The following B4GALT6 variants were observed in gnomAD, a reference collection of about 807,000 sequenced individuals.
The protein encoded by B4GALT6 is beta-1,4-galactosyltransferase 6.
B4GALT6 carries 14 observed loss-of-function variants against 46.3 expected under a neutral mutation model. The ratio of observed to expected loss-of-function variants is 0.30; its 90% CI spans 0.20 to 0.47. B4GALT6 has a LOEUF of 0.47. B4GALT6 is among the 20% of genes least tolerant of loss of function. The probability of loss-of-function intolerance (pLI) is 0.99; values close to 1 mark genes in which losing one functional copy is unlikely to be tolerated. For missense variants in B4GALT6, 386 were observed against 480.1 expected (o/e 0.80, Z 1.83); for synonymous variants, 168 against 162.0 (o/e 1.04, Z -0.28).
At chr18:31,673,593 C>T (rs2074382157) in intron 1 of B4GALT6, among the ~76,000 whole-genome samples, 1 of 152,180 alleles carries the variant, frequency 6.6e-6, no homozygotes, top group South Asian at 2.1e-4. Context: ...TTCTGAAGAG[C>T]AGAAGATGAA....
the B4GALT6 span, among the ~76,000 whole-genome samples, chr18:31,720,488 TA>T: frequency 1.3e-5 from 2 of 152,206 alleles, no homozygotes; most frequent in Non-Finnish European, 2.9e-5. Context: ...AAGGTACAAC[TA>T]ATCAGTAGCG....
chr18:31,691,347 T>G, the B4GALT6 span, among the ~76,000 whole-genome samples: 1 of 93,330 alleles, frequency 1.1e-5, no homozygotes, highest in African/African-American at 3.9e-5. Flanking sequence ...ATATATATAT[T>G]GCTCTGGGTT....
the B4GALT6 span, among the ~76,000 whole-genome samples, chr18:31,698,230 G>A: frequency 6.6e-6 from 1 of 151,844 alleles, no homozygotes; most frequent in Non-Finnish European, 1.5e-5. Context: ...TCTTGTTTTT[G>A]ACCTTTTGAC....
chr18:31,639,807 A>G (rs937056644), intron 4 of B4GALT6, among the ~76,000 whole-genome samples: 1 of 152,184 alleles, frequency 6.6e-6, no homozygotes, highest in African/African-American at 2.4e-5. Flanking sequence ...ACACTTAAAA[A>G]CACCATTTAT....
the B4GALT6 span, among the ~76,000 whole-genome samples, chr18:31,719,694 T>C: frequency 0.013 from 1,997 of 152,206 alleles, 55 homozygotes; most frequent in African/African-American, 0.046. Context: ...TTAAAGATAA[T>C]TTGGCGAGTA....
In B4GALT6 at chr18:31,638,295, A is replaced by AG. The variant is rs536811744; in HGVS notation, c.588+348dup. ...GTAATCCTAGCACTTTAGGAGGCCG[A>AG]GGGGGGTGGATCACGAGATCAGGAG... is the stretch of plus-strand genomic sequence containing the variant. On this transcript the variant is annotated intron_variant, in intron 5 of 8. Transcript: ENST00000306851. Among the ~76,000 whole-genome samples the AG allele has an allele frequency of 2.5e-3, 375 of 152,222 alleles. 3 individuals carry two copies. The highest frequency in any genetic ancestry group is 8.5e-3 in the African/African-American group (355 of 41,534).
At chr18:31,651,632 C>A (rs2074069034) in intron 3 of B4GALT6, among the ~76,000 whole-genome samples, 1 of 152,148 alleles carries the variant, frequency 6.6e-6, no homozygotes, top group South Asian at 2.1e-4. Flanking sequence ...AAACCGCGGG[C>A]TTCCTCAGGG....
chr18:31,649,425 T>G (rs1322587628), intron 3 of B4GALT6, among the ~76,000 whole-genome samples: 1 of 152,164 alleles, frequency 6.6e-6, no homozygotes, highest in Non-Finnish European at 1.5e-5. Context: ...TCCACCTACC[T>G]GCATTTCTAC....
chr18:31,670,071 T>G (rs1208440896), intron 1 of B4GALT6, among the ~76,000 whole-genome samples: 1 of 151,810 alleles, frequency 6.6e-6, no homozygotes, highest in African/African-American at 2.4e-5. Flanking sequence ...TTTTTTTTTT[T>G]GAGACAGGGT....
intron 3 of B4GALT6, among the ~76,000 whole-genome samples, chr18:31,652,767 GTTC>G: frequency 6.6e-6 from 1 of 152,284 alleles, no homozygotes; most frequent in Admixed American, 6.5e-5. Context: ...CACCCTGTAG[GTTC>G]TTTTTTGTGC....
upstream of B4GALT6, among the ~76,000 whole-genome samples, chr18:31,688,135 G>A (rs6506937): frequency 0.14 from 20,801 of 151,460 alleles, 1,448 homozygotes; most frequent in Middle Eastern, 0.17. Flanking sequence ...GAAAATTATT[G>A]GGTTGATGAA....
chr18:31,684,912 C>T (rs143254532), upstream of B4GALT6, among the ~76,000 whole-genome samples: 14,399 of 149,560 alleles, frequency 0.096, 918 homozygotes, highest in Middle Eastern at 0.16. Context: ...TCCGGGCCGC[C>T]CGCGTCCGCT....
the B4GALT6 span, among the ~76,000 whole-genome samples, chr18:31,701,268 A>T: frequency 1.3e-5 from 2 of 152,122 alleles, no homozygotes; most frequent in Non-Finnish European, 2.9e-5. Context: ...GTTGTTGTAA[A>T]GTGTGTAGCA....
At chr18:31,706,998 G>A in the B4GALT6 span, among the ~76,000 whole-genome samples, 1 of 152,076 alleles carries the variant, frequency 6.6e-6, no homozygotes, top group African/African-American at 2.4e-5. Context: ...TATGGGGGTG[G>A]GAGGTGTAAA....
rs1037033658 is a variant in B4GALT6 at position 31,658,817 on chromosome 18, T to C, written c.233-728A>G. ...TCATACTGTCATTTTTAAACTTCAATAAGACAAAATGTGTAAGGTGCTGAG... is the reference window on the plus strand; with the variant it reads ...TCATACTGTCATTTTTAAACTTCAACAAGACAAAATGTGTAAGGTGCTGAG... On this transcript the variant is annotated intron_variant, in intron 2 of 8. Transcript: ENST00000306851. 3.3e-5 allele frequency among the ~76,000 whole-genome samples: 5 copies of C among 152,254 alleles called. No individual in the cohort carries two copies. In the East Asian group the frequency reaches 9.6e-4, roughly 29 times the overall value.
At chr18:31,629,432 T>G (rs1345354471) in intron 6 of B4GALT6, among the ~76,000 whole-genome samples, 2 of 150,298 alleles carry the variant, frequency 1.3e-5, no homozygotes, top group African/African-American at 2.4e-5. Flanking sequence ...ATTCTTAGTT[T>G]ATATGCCCTT....
chr18:31,677,699 C>T (rs923241995), intron 1 of B4GALT6, among the ~76,000 whole-genome samples: 2 of 152,082 alleles, frequency 1.3e-5, no homozygotes, highest in South Asian at 2.1e-4. Flanking sequence ...ATTAAATCAC[C>T]GTGTCCTTCA....
chr18:31,701,387 C>G, the B4GALT6 span, among the ~76,000 whole-genome samples: 1 of 152,208 alleles, frequency 6.6e-6, no homozygotes, highest in Non-Finnish European at 1.5e-5. Context: ...GAAACAGAAG[C>G]TGCTATGCTT....
intron 2 of B4GALT6, among the ~76,000 whole-genome samples, chr18:31,664,802 C>T (rs894508190): frequency 6.6e-6 from 1 of 152,160 alleles, no homozygotes; most frequent in Non-Finnish European, 1.5e-5. Context: ...GTTTAAACTT[C>T]TAAAATTGAC....
Sources: gnomAD v4.1 joint callset for allele counts (sites outside exome capture counted in the v4.1 genomes callset) on GRCh38, gnomAD v4.1.1 for gene constraint, MANE v1.5 for transcripts, NCBI Gene and HGNC (gene_info 2026-07-23, HGNC 2026-07-21) for gene names.